Variants in NLRP1 observed in about 807,000 individuals in gnomAD.
The protein encoded by NLRP1 is NLR family pyrin domain containing 1.
A neutral mutation model predicts 136.7 loss-of-function variants in NLRP1; 94 were observed. The observed-to-expected ratio is 0.69, with a 90% CI of 0.58 to 0.82. NLRP1 has a LOEUF of 0.82. Among genes scored for constraint, NLRP1 ranks in the 40% least tolerant of loss-of-function variants. The probability of loss-of-function intolerance (pLI) is 0.00; values close to 1 mark genes in which losing one functional copy is unlikely to be tolerated. For synonymous variants in NLRP1, 690 were observed against 725.1 expected, an observed-to-expected ratio of 0.95 and a Z score of 0.78; for missense variants, 1,575 against 1,802.7, an observed-to-expected ratio of 0.87 and a Z score of 2.29.
chr17:5,531,552 T>C (rs548101669), intron 11 of NLRP1, among the ~76,000 whole-genome samples: 3 of 152,274 alleles, frequency 2.0e-5, no homozygotes, highest in African/African-American at 2.4e-5. Flanking sequence ...ACCCTTAGAA[T>C]TGGAAACAAC....
rs60140829 is a variant in NLRP1 at position 5,507,806 on chromosome 17, G to C, written c.4070-5934C>G. On this transcript the variant is annotated intron_variant, in intron 15 of 15. Coordinates refer to the NLRP1 transcript ENST00000262467. ...AGATTGCGCCACTGCACCCCAACCTGGGCAACAAAGCGAGACTCCGTCTCA... is the reference window on the plus strand; with the variant it reads ...AGATTGCGCCACTGCACCCCAACCTCGGCAACAAAGCGAGACTCCGTCTCA... 2.2e-3 allele frequency among the ~76,000 whole-genome samples: 335 copies of C among 152,174 alleles called. 1 individual carries two copies. Among genetic ancestry groups the C allele is most frequent in the African/African-American group, 7.6e-3 (316 of 41,522 alleles).
chr17:5,534,950 G>T (rs936697737), intron 8 of NLRP1, among the ~76,000 whole-genome samples: 4 of 152,172 alleles, frequency 2.6e-5, no homozygotes, highest in African/African-American at 9.7e-5. Context: ...AGCCGGGCGC[G>T]GTGGCTCACG....
rs1401886697 is a variant in NLRP1 at position 5,514,813 on chromosome 17, G to A, written c.4363C>T (p.Leu1455Phe). The A allele has an allele frequency of 3.1e-6, 5 of 1,614,124 alleles. No individual in the cohort carries two copies. The South Asian group carries it at 5.5e-5, about 18-fold the overall frequency. The change falls in exon 17 of 17, where the codon CTC becomes TTC. Residue 1455 changes from leucine (L) to phenylalanine (F), a missense_variant. Physicochemically the swap from Leu to Phe is conservative, Grantham distance 22 (BLOSUM62 0). Coordinates refer to ENST00000572272, the MANE Select transcript of NLRP1 (RefSeq NM_033004.4). ...CCCTTCTCCCAGAGTTCCATAATGA[G>A]GTGAGGATGGGTCTCCTTCAGGGCT... ...YQALKETHPH[L>F]IMELWEKGSK...
chr17:5,579,424 TA>T, intron 3 of NLRP1, among the ~76,000 whole-genome samples: 1 of 152,224 alleles, frequency 6.6e-6, no homozygotes, highest in South Asian at 2.1e-4. Flanking sequence ...GGCTATAATT[TA>T]AAAGTCAAAA....
chr17:5,502,073 T>TC (rs1321687799), intron 15 of NLRP1: 3 of 534,500 alleles, frequency 5.6e-6, no homozygotes, highest in Non-Finnish European at 1.0e-5. Flanking sequence ...TTCCTCTCTA[T>TC]CCTACAGCGT....
intron 4 of NLRP1, 45 bp from the exon 5 acceptor site, chr17:5,553,601 A>C (rs773234101): frequency 4.2e-5 from 65 of 1,562,208 alleles, no homozygotes; most frequent in Non-Finnish European, 5.3e-5. Flanking sequence ...TGTGTCTGGC[A>C]GGGGTTTGAG....
chr17:5,524,591 G>A (rs1025726868), intron 12 of NLRP1, among the ~76,000 whole-genome samples: 2 of 152,216 alleles, frequency 1.3e-5, no homozygotes, highest in African/African-American at 2.4e-5. Context: ...GCTGGTTTGC[G>A]TTGCCATCAC....
intron 11 of NLRP1, 44 bp from the exon 12 acceptor site, chr17:5,530,748 C>T (rs200268162): frequency 6.7e-7 from 1 of 1,488,430 alleles, no homozygotes; most frequent in Non-Finnish European, 9.3e-7. Flanking sequence ...CACGAACTCA[C>T]TGAGCACCTG....
At chr17:5,527,440 A>G (rs1299672185) in intron 12 of NLRP1, among the ~76,000 whole-genome samples, 1 of 152,012 alleles carries the variant, frequency 6.6e-6, no homozygotes, top group Non-Finnish European at 1.5e-5. Flanking sequence ...TGGTCTAGAG[A>G]AGGCTAGTGG....
downstream of NLRP1, among the ~76,000 whole-genome samples, chr17:5,511,439 T>TAAAA (rs60642771): frequency 8.7e-5 from 12 of 137,336 alleles, no homozygotes; most frequent in Admixed American, 1.4e-4. Flanking sequence ...AGCCTCCGTC[T>TAAAA]AAAAAAAAAA....
intron 12 of NLRP1, among the ~76,000 whole-genome samples, chr17:5,524,373 C>A (rs1354177853): frequency 6.6e-6 from 1 of 152,186 alleles, no homozygotes; most frequent in East Asian, 1.9e-4. Flanking sequence ...GATGCACCAC[C>A]CTGTGATTCA....
intron 6 of NLRP1, among the ~76,000 whole-genome samples, chr17:5,540,667 C>T (rs993542469): frequency 9.9e-5 from 15 of 152,110 alleles, no homozygotes; most frequent in South Asian, 4.1e-4. Context: ...GTAGATGTAG[C>T]GAGGATTAAA....
rs1472580695 is a variant in NLRP1, at chr17:5,532,928, A to G, written c.3190T>C (p.Ser1064Pro). ...VELLCVPSPASQGDLHTKPLG... is the reference protein window; with the variant it reads ...VELLCVPSPAPQGDLHTKPLG... ...GGCTTCGTATGCAGGTCCCCTTGAG[A>G]GGCAGGAGAAGGCACGCACAAGAGT... The change falls in exon 11 of 17, where the codon TCT becomes CCT. Residue 1064 changes from serine to proline, a missense_variant. Physicochemically the swap from Ser to Pro is moderately conservative, Grantham distance 74. Coordinates refer to ENST00000572272, the MANE Select transcript of NLRP1 (RefSeq NM_033004.4). The G allele has an allele frequency of 1.2e-6, 2 of 1,613,994 alleles. No homozygotes were observed. The highest frequency in any genetic ancestry group is 2.7e-5 in the African/African-American group (2 of 75,042).
intron 3 of NLRP1, among the ~76,000 whole-genome samples, chr17:5,577,277 A>G (rs1905118884): frequency 6.6e-6 from 1 of 152,212 alleles, no homozygotes; most frequent in Non-Finnish European, 1.5e-5. Flanking sequence ...ATCAGGCAGG[A>G]GAAAGAAATA....
At chr17:5,522,576 G>A (rs1909035286) in intron 12 of NLRP1, among the ~76,000 whole-genome samples, 1 of 152,230 alleles carries the variant, frequency 6.6e-6, no homozygotes, top group African/African-American at 2.4e-5. Flanking sequence ...GCCTGAACAG[G>A]CTAAGACACC....
chr17:5,506,282 C>T (rs2151727140), intron 15 of NLRP1, among the ~76,000 whole-genome samples: 1 of 125,242 alleles, frequency 8.0e-6, no homozygotes, highest in Non-Finnish European at 1.6e-5. Flanking sequence ...AAAAGTCTGT[C>T]TCAAAAAAAA....
At chr17:5,530,836 T>C in intron 11 of NLRP1, 132 bp from the exon 12 acceptor site, 1 of 669,292 alleles carries the variant, frequency 1.5e-6, no homozygotes, top group East Asian at 2.7e-5. Context: ...TCAGATGGAC[T>C]TGCATTTTAG....
intron 3 of NLRP1, among the ~76,000 whole-genome samples, chr17:5,569,433 A>G (rs748839916): frequency 6.6e-6 from 1 of 152,188 alleles, no homozygotes; most frequent in Admixed American, 6.5e-5. Flanking sequence ...GGAAAAATCT[A>G]CCAAGCAAAT....
chr17:5,535,196 G>C (rs1433330396), intron 8 of NLRP1, among the ~76,000 whole-genome samples: 1 of 151,976 alleles, frequency 6.6e-6, no homozygotes, highest in Non-Finnish European at 1.5e-5. Flanking sequence ...CTCCAGCCTG[G>C]GTGACAGAGC....
Sources: gnomAD v4.1 joint callset for allele counts (sites outside exome capture counted in the v4.1 genomes callset) on GRCh38, gnomAD v4.1.1 for gene constraint, MANE v1.5 for transcripts, NCBI Gene and HGNC (gene_info 2026-07-23, HGNC 2026-07-21) for gene names.